Variants in CCDC150 observed in about 807,000 individuals in gnomAD.
CCDC150 encodes coiled-coil domain-containing protein 150.
A neutral mutation model predicts 156.5 loss-of-function variants in CCDC150; 151 were observed. The ratio of observed to expected loss-of-function variants is 0.97; its 90% CI spans 0.85 to 1.10. The LOEUF (loss-of-function observed/expected upper bound fraction) is 1.10. Among genes scored for constraint, CCDC150 ranks in the 50% least tolerant of loss-of-function variants. The probability of loss-of-function intolerance (pLI) is 0.00; values close to 1 mark genes in which losing one functional copy is unlikely to be tolerated. For synonymous variants in CCDC150, 452 were observed against 429.4 expected (o/e 1.05, Z -0.65); for missense variants, 1,312 against 1,268.1 (o/e 1.03, Z -0.53).
At chr2:196,707,579 C>G (rs969135987) in intron 15 of CCDC150, among the ~76,000 whole-genome samples, 7 of 152,068 alleles carry the variant, frequency 4.6e-5, no homozygotes, top group Non-Finnish European at 7.4e-5. Flanking sequence ...TCTTGCTTCT[C>G]TAGTTCTTTT....
chr2:196,691,678 C>T (rs973049846), intron 13 of CCDC150, among the ~76,000 whole-genome samples: 2 of 151,830 alleles, frequency 1.3e-5, no homozygotes, highest in African/African-American at 4.8e-5. Flanking sequence ...CACGGTGGCT[C>T]ACGCCTGTAA....
At chr2:196,731,444 T>G (rs1698518195) in intron 26 of CCDC150, among the ~76,000 whole-genome samples, 1 of 148,144 alleles carries the variant, frequency 6.8e-6, no homozygotes, top group Admixed American at 6.8e-5. Context: ...CAGGCTGGAG[T>G]GCATGGCATA....
At chr2:196,695,222 A>G in intron 14 of CCDC150, 63 bp downstream of exon 14, 1 of 828,662 alleles carries the variant, frequency 1.2e-6, no homozygotes, top group African/African-American at 1.7e-5. Flanking sequence ...AATAACAACA[A>G]CCAGAGGTCA....
intron 22 of CCDC150, chr2:196,727,758 A>C (rs967458278): frequency 9.9e-5 from 15 of 152,208 alleles, no homozygotes; most frequent in Admixed American, 9.8e-4. Context: ...CATGCCTGTA[A>C]TCCCAGCACT....
Position 196,725,348 on chromosome 2 carries a change from C to A in CCDC150, c.2430-625C>A, listed in dbSNP as rs529684145. 1.5e-4 allele frequency among the ~76,000 whole-genome samples: 23 copies of A among 152,258 alleles called. No homozygotes were observed. The East Asian group carries it at 4.4e-3, about 29-fold the overall frequency. On this transcript the variant is annotated intron_variant, in intron 21 of 27. Transcript: ENST00000389175. ...CACTTATCCTTTTAAAAGTCAGAAG[C>A]TACGGACTCAGCTACACTCCCTCAC...
At chr2:196,674,383 A>G (rs1211696828) in intron 10 of CCDC150, 35 bp downstream of exon 10, 1 of 1,314,710 alleles carries the variant, frequency 7.6e-7, no homozygotes. Flanking sequence ...CCAGAAAGCC[A>G]GCCTGGTTGA....
In CCDC150 at chr2:196,686,509, A is replaced by T. The variant is rs978497234; in HGVS notation, c.1510-8537A>T. ...TAGAGTTAACATCTCAGCAATATTG[A>T]ATCTTCTAATACAGTTAGGTTGTCA... On this transcript the variant is annotated intron_variant, in intron 13 of 27. Transcript: ENST00000389175. 7.9e-5 allele frequency among the ~76,000 whole-genome samples: 12 copies of T among 152,248 alleles called. No homozygotes were observed. The South Asian group carries it at 2.1e-3, about 26-fold the overall frequency.
At chr2:196,652,654 G>C (rs1241083662) in intron 2 of CCDC150, among the ~76,000 whole-genome samples, 1 of 152,254 alleles carries the variant, frequency 6.6e-6, no homozygotes, top group Admixed American at 6.5e-5. Flanking sequence ...TGGAGAGTGG[G>C]TTCATTCCCA....
intron 15 of CCDC150, among the ~76,000 whole-genome samples, chr2:196,706,837 A>T (rs149932475): frequency 0.026 from 3,972 of 152,298 alleles, 182 homozygotes; most frequent in African/African-American, 0.09. Flanking sequence ...ATGTTGAACC[A>T]GTCTTGCATC....
intron 15 of CCDC150, 122 bp downstream of exon 15, chr2:196,701,302 CA>C (rs1413736206): frequency 4.2e-6 from 3 of 706,704 alleles, no homozygotes; most frequent in Non-Finnish European, 6.9e-6. Flanking sequence ...AGTCTCTGAA[CA>C]TCCTTAAGTT....
At chr2:196,725,235 A>G (rs761311737) in intron 21 of CCDC150, among the ~76,000 whole-genome samples, 1 of 152,228 alleles carries the variant, frequency 6.6e-6, no homozygotes, top group Non-Finnish European at 1.5e-5. Flanking sequence ...GAGTAATCAT[A>G]CAGTAAGTCA....
Position 196,656,971 on chromosome 2 carries a change from T to C in CCDC150, c.411T>C (p.Asp137=). Residue 137 remains aspartate (D), a synonymous_variant, in exon 4 of 28, where the codon GAT becomes GAC. Transcript: ENST00000389175. ...LNPQKTAFLK[D]RLNAIQEEHS... ...GCGGTCTGGTAGCTTTTCTGAAAGATCGACTGAATGCAATACAGGAAGAGC... is the reference window on the plus strand; with the variant it reads ...GCGGTCTGGTAGCTTTTCTGAAAGACCGACTGAATGCAATACAGGAAGAGC... The C allele has an allele frequency of 6.2e-7, 1 of 1,613,468 alleles. No homozygotes were observed. The highest frequency in any genetic ancestry group is 8.5e-7 in the Non-Finnish European group (1 of 1,179,664).
rs373513944 is a variant in CCDC150, at chr2:196,657,056, G to A, written c.496G>A (p.Ala166Thr). 2.5e-6 allele frequency: 4 copies of A among 1,613,744 alleles called. No individual in the cohort carries two copies. Among genetic ancestry groups the A allele is most frequent in the Non-Finnish European group, 3.4e-6 (4 of 1,179,788 alleles). The change falls in exon 4 of 28, where the codon GCT (alanine) becomes ACT (threonine). Residue 166 changes from alanine (A) to threonine (T), a missense_variant. Transcript: ENST00000389175. ...TATGAATTTGCGCCAGCAACTGAGA[G>A]CTGTAAAAGAGGAAGAAGACAAGGC... ...EVMNLRQQLR[A>T]VKEEEDKAQD...
chr2:196,707,262 C>A (rs2125679550), intron 15 of CCDC150, among the ~76,000 whole-genome samples: 2 of 152,240 alleles, frequency 1.3e-5, no homozygotes, highest in Admixed American at 1.3e-4. Context: ...AGGAATTTAT[C>A]CATTTCTTCT....
At chr2:196,712,980 A>G (rs1697237617) in intron 17 of CCDC150, 1 of 527,900 alleles carries the variant, frequency 1.9e-6, no homozygotes, top group East Asian at 3.1e-5. Context: ...TAATAAAAGC[A>G]TATGTAACTT....
intron 23 of CCDC150, 35 bp downstream of exon 23, chr2:196,729,422 C>T (rs766812258): frequency 2.5e-6 from 4 of 1,589,694 alleles, no homozygotes; most frequent in Non-Finnish European, 3.5e-6. Context: ...TTCCTGGATA[C>T]CCTGTGAGGA....
intron 15 of CCDC150, among the ~76,000 whole-genome samples, chr2:196,705,755 C>T (rs948791958): frequency 6.6e-6 from 1 of 152,208 alleles, no homozygotes; most frequent in African/African-American, 2.4e-5. Flanking sequence ...GATCCAGTTT[C>T]AGCTTTCTAC....
At chr2:196,655,492 GC>G (rs775815173) in intron 2 of CCDC150, among the ~76,000 whole-genome samples, 13 of 152,176 alleles carry the variant, frequency 8.5e-5, no homozygotes, top group Non-Finnish European at 1.6e-4. Context: ...CATTTAGGCT[GC>G]CAGAGGTGTA....
intron 2 of CCDC150, among the ~76,000 whole-genome samples, chr2:196,653,974 G>A (rs901406139): frequency 3.4e-4 from 52 of 152,324 alleles, no homozygotes; most frequent in African/African-American, 1.2e-3. Context: ...GGGGGAGCAG[G>A]TGAAGAAGAA....
Sources: gnomAD v4.1 joint callset for allele counts (sites outside exome capture counted in the v4.1 genomes callset) on GRCh38, gnomAD v4.1.1 for gene constraint, MANE v1.5 for transcripts, NCBI Gene and HGNC (gene_info 2026-07-23, HGNC 2026-07-21) for gene names.